The following TBCK variants were observed in gnomAD, a reference collection of about 807,000 sequenced individuals.
TBCK encodes TBC domain-containing protein kinase-like protein.
Under a neutral mutation model 113.4 loss-of-function variants are expected in TBCK, and 99 were observed. That is an observed-to-expected ratio of 0.87 (90% CI 0.74 to 1.03). TBCK has a LOEUF of 1.03. Ranked by LOEUF, TBCK falls within the 50% of genes least tolerant of loss-of-function variation. The pLI, the probability that TBCK is intolerant of heterozygous loss-of-function variation, is 0.00. For synonymous variants in TBCK, 369 were observed against 370.8 expected (o/e 1.00, Z 0.05); for missense variants, 1,045 against 1,061.3 (o/e 0.98, Z 0.21).
intron 25 of TBCK, among the ~76,000 whole-genome samples, chr4:106,088,017 G>A (rs1739716420): frequency 6.6e-6 from 1 of 152,152 alleles, no homozygotes; most frequent in African/African-American, 2.4e-5. Flanking sequence ...GAAAACCTAG[G>A]CAATAGCATT....
chr4:106,307,208 C>T (rs1419533532), intron 2 of TBCK, among the ~76,000 whole-genome samples: 10 of 152,110 alleles, frequency 6.6e-5, no homozygotes, highest in Non-Finnish European at 4.4e-5. Flanking sequence ...GTCCATTTTT[C>T]CTTAATTTCC....
At chr4:106,225,801 ACT>A (rs1758178500) in intron 19 of TBCK, among the ~76,000 whole-genome samples, 2 of 152,090 alleles carry the variant, frequency 1.3e-5, no homozygotes, top group Non-Finnish European at 2.9e-5. Context: ...TGTTGTGTAC[ACT>A]ACAGTCTCTA....
At chr4:106,113,975 C>T (rs1159809168) in intron 24 of TBCK, among the ~76,000 whole-genome samples, 1 of 152,158 alleles carries the variant, frequency 6.6e-6, no homozygotes, top group Non-Finnish European at 1.5e-5. Flanking sequence ...TAACGGCACA[C>T]ATTGGACTAA....
At chr4:106,265,182 C>A (rs1187306959) in intron 3 of TBCK, among the ~76,000 whole-genome samples, 1 of 151,710 alleles carries the variant, frequency 6.6e-6, no homozygotes, top group Non-Finnish European at 1.5e-5. Context: ...TCACTGTTTT[C>A]TCTCTCTTTT....
chr4:106,106,629 A>G (rs575125031), intron 24 of TBCK, among the ~76,000 whole-genome samples: 6 of 152,362 alleles, frequency 3.9e-5, no homozygotes, highest in South Asian at 2.1e-4. Flanking sequence ...CTGCCTTACA[A>G]GAGATCTTGA....
chr4:106,225,831 A>C (rs1758183076), intron 19 of TBCK, among the ~76,000 whole-genome samples: 1 of 152,124 alleles, frequency 6.6e-6, no homozygotes, highest in Non-Finnish European at 1.5e-5. Context: ...AAATTAAACA[A>C]GACATTGTCT....
intron 21 of TBCK, among the ~76,000 whole-genome samples, chr4:106,194,221 A>G (rs1030059833): frequency 1.2e-4 from 18 of 152,082 alleles, no homozygotes; most frequent in Non-Finnish European, 2.2e-4. Flanking sequence ...CTTCCAGGCC[A>G]CTGCATAAAT....
intron 1 of TBCK, among the ~76,000 whole-genome samples, chr4:106,310,956 A>G (rs369132946): frequency 7.9e-5 from 12 of 152,320 alleles, no homozygotes; most frequent in African/African-American, 2.9e-4. Flanking sequence ...AAAAGAATAA[A>G]GAGAAATGGC....
chr4:106,116,436 C>A, intron 23 of TBCK, 58 bp from the exon 24 acceptor site: 1 of 1,354,540 alleles, frequency 7.4e-7, no homozygotes, highest in Non-Finnish European at 1.0e-6. Context: ...AACAAATTAT[C>A]CCCAGTAATA....
At chr4:106,300,546 A>G (rs962715592) in intron 2 of TBCK, among the ~76,000 whole-genome samples, 2 of 152,252 alleles carry the variant, frequency 1.3e-5, no homozygotes, top group African/African-American at 4.8e-5. Flanking sequence ...ATGATATTTC[A>G]ATAAGTGTTT....
At chr4:106,308,259 C>A (rs1430791400) in intron 2 of TBCK, among the ~76,000 whole-genome samples, 1 of 152,046 alleles carries the variant, frequency 6.6e-6, no homozygotes, top group Admixed American at 6.6e-5. Context: ...AGGTCCTTAT[C>A]CTCAAGAACT....
At chr4:106,187,365 C>T (rs1389217917) in intron 22 of TBCK, among the ~76,000 whole-genome samples, 1 of 151,940 alleles carries the variant, frequency 6.6e-6, no homozygotes, top group Non-Finnish European at 1.5e-5. Flanking sequence ...TCTTCTGATC[C>T]ATGAGCATGG....
rs1340289264 is a variant in TBCK, at chr4:106,141,779, T to C, written c.2236-25401A>G. 2.8e-5 allele frequency among the ~76,000 whole-genome samples: 4 copies of C among 140,962 alleles called. 1 individual carries two copies. Among genetic ancestry groups the C allele is most frequent in the Non-Finnish European group, 6.4e-5 (4 of 62,096 alleles). 92.5% of individuals were successfully genotyped at this position (140,962 alleles called of 152,430 possible). A position where few individuals can be genotyped will look rare whatever the true frequency, so the allele number is the denominator to read the frequency against. On this transcript the variant is annotated intron_variant, in intron 23 of 25. Coordinates refer to ENST00000394708, the MANE Select transcript of TBCK (RefSeq NM_001163435.3). Reference sequence around the variant, plus strand: ...ACCCTGTTTTTGGAAAAAATAATCATGCCATAGGTTAATTTTCTTCATTTA... The same window carrying C: ...ACCCTGTTTTTGGAAAAAATAATCACGCCATAGGTTAATTTTCTTCATTTA...
intron 2 of TBCK, among the ~76,000 whole-genome samples, chr4:106,306,236 AT>A (rs60417567): frequency 0.067 from 6,526 of 97,292 alleles, 100 homozygotes; most frequent in African/African-American, 0.085. Context: ...TGCCTGGCTA[AT>A]TTTTTTTTTT....
intron 19 of TBCK, 141 bp from the exon 20 acceptor site, chr4:106,212,976 C>A (rs1756343581): frequency 1.7e-6 from 1 of 598,198 alleles, no homozygotes. Flanking sequence ...TGTTTTGTTA[C>A]TATTTTAATT....
chr4:106,176,293 T>C (rs942547795), intron 22 of TBCK, among the ~76,000 whole-genome samples: 4 of 152,100 alleles, frequency 2.6e-5, no homozygotes, highest in Non-Finnish European at 5.9e-5. Flanking sequence ...CTGTATTTTG[T>C]ATCCATTAAC....
At chr4:106,181,719 T>G (rs1180112746) in intron 22 of TBCK, among the ~76,000 whole-genome samples, 1 of 152,186 alleles carries the variant, frequency 6.6e-6, no homozygotes, top group Non-Finnish European at 1.5e-5. Context: ...TTCTGTTCTA[T>G]TGGTCTATAT....
intron 1 of TBCK, among the ~76,000 whole-genome samples, chr4:106,314,879 C>T (rs1768609266): frequency 6.6e-6 from 1 of 152,064 alleles, no homozygotes; most frequent in South Asian, 2.1e-4. Flanking sequence ...CCCGCCTCGA[C>T]CTCCCAAAGT....
chr4:106,216,204 C>A (rs1756892340), intron 19 of TBCK, among the ~76,000 whole-genome samples: 2 of 151,164 alleles, frequency 1.3e-5, no homozygotes, highest in Non-Finnish European at 3.0e-5. Context: ...ATCTCTGGGA[C>A]ACATTCAAAG....
Sources: allele counts gnomAD v4.1 joint callset (sites outside exome capture counted in the v4.1 genomes callset), GRCh38; gene constraint gnomAD v4.1.1; transcripts MANE v1.5; gene names NCBI Gene and HGNC (gene_info 2026-07-23, HGNC 2026-07-21).